PLXDC2: variants seen among roughly 807,000 people sequenced by gnomAD.
PLXDC2 encodes plexin domain containing 2.
Under a neutral mutation model 68.9 loss-of-function variants are expected in PLXDC2, and 40 were observed. The observed-to-expected ratio is 0.58, with a 90% confidence interval of 0.45 to 0.76. PLXDC2 has a LOEUF of 0.76. PLXDC2 is among the 30% of genes least tolerant of loss of function. The probability of loss-of-function intolerance (pLI) is 0.00; values close to 1 mark genes in which losing one functional copy is unlikely to be tolerated. For missense variants in PLXDC2, 644 were observed against 661.9 expected, an observed-to-expected ratio of 0.97 and a Z score of 0.30; for synonymous variants, 243 against 234.2, an observed-to-expected ratio of 1.04 and a Z score of -0.34.
rs59867874 is a variant in PLXDC2, at chr10:19,948,390, C to CTT, written c.113-53370_113-53369dup. 2.1e-3 allele frequency among the ~76,000 whole-genome samples: 298 copies of CTT among 144,954 alleles called. 1 individual carries two copies. Among genetic ancestry groups the CTT allele is most frequent in the Middle Eastern group, 7.4e-3 (2 of 270 alleles). On this transcript the variant is annotated intron_variant, in intron 1 of 13. Transcript: ENST00000377252. ...GCAGAATGATTTTCTTTCTTTCTTTCTTTTTTTTTTTTTTTTGGTATAATG... is the reference window on the plus strand; with the variant it reads ...GCAGAATGATTTTCTTTCTTTCTTTCTTTTTTTTTTTTTTTTTTGGTATAATG...
chr10:20,054,075 ACTGGGCTCAGTT>A (rs1200116035), intron 3 of PLXDC2, among the ~76,000 whole-genome samples: 2 of 152,078 alleles, frequency 1.3e-5, no homozygotes, highest in African/African-American at 4.8e-5. Context: ...TTGATGCAGA[ACTGGGCTCAGTT>A]CTGAATGTAG....
intron 1 of PLXDC2, among the ~76,000 whole-genome samples, chr10:19,866,568 C>T (rs1837420635): frequency 6.6e-6 from 1 of 152,156 alleles, no homozygotes. Flanking sequence ...GCAATTTCCA[C>T]CTAGAATTTC....
At chr10:19,844,064 CTAAA>C (rs989381036) in intron 1 of PLXDC2, among the ~76,000 whole-genome samples, 1 of 152,006 alleles carries the variant, frequency 6.6e-6, no homozygotes, top group African/African-American at 2.4e-5. Flanking sequence ...TATTATGTAT[CTAAA>C]TAAATAAAAA....
At chr10:20,217,314 C>A in intron 10 of PLXDC2, 112 bp from the exon 11 acceptor site, 3 of 909,450 alleles carry the variant, frequency 3.3e-6, no homozygotes, top group Non-Finnish European at 4.7e-6. Context: ...TAATTTATTC[C>A]TTGTCTTGAT....
intron 5 of PLXDC2, among the ~76,000 whole-genome samples, chr10:20,146,730 T>C (rs1412635744): frequency 1.3e-4 from 20 of 152,118 alleles, no homozygotes; most frequent in Admixed American, 9.8e-4. Flanking sequence ...GGACTTACAA[T>C]TGGGTGTTCA....
chr10:20,160,967 C>CAACACA (rs1445889916), intron 6 of PLXDC2, among the ~76,000 whole-genome samples: 3 of 152,074 alleles, frequency 2.0e-5, no homozygotes, highest in Non-Finnish European at 4.4e-5. Flanking sequence ...CCAGCCTGGG[C>CAACACA]AACACAGTGA....
rs533712043 is a variant in PLXDC2, at chr10:19,823,399, G to C, written c.112+6208G>C. Among the ~76,000 whole-genome samples the C allele has an allele frequency of 2.6e-5, 4 of 151,944 alleles. No individual in the cohort carries two copies. The East Asian group carries it at 7.7e-4, about 29-fold the overall frequency. On this transcript the variant is annotated intron_variant, in intron 1 of 13. Coordinates refer to ENST00000377252, the MANE Select transcript of PLXDC2 (RefSeq NM_032812.9). ...AAGGAGGCTGTAAAAATATTGTCTC[G>C]GCTGGGCGTGGTGGCTCACACCTGT...
At chr10:20,095,035 G>A (rs563031004) in intron 4 of PLXDC2, among the ~76,000 whole-genome samples, 54 of 152,278 alleles carry the variant, frequency 3.5e-4, no homozygotes, top group African/African-American at 7.9e-4. Flanking sequence ...AAATGTGACC[G>A]CACATGTAAT....
chr10:20,232,131 T>C (rs1835373363), intron 12 of PLXDC2, among the ~76,000 whole-genome samples: 1 of 152,128 alleles, frequency 6.6e-6, no homozygotes, highest in Admixed American at 6.5e-5. Flanking sequence ...CCAGAAAATA[T>C]AAATAACTCC....
chr10:20,202,864 G>A (rs114593429), intron 9 of PLXDC2, among the ~76,000 whole-genome samples: 1,546 of 152,238 alleles, frequency 0.01, 25 homozygotes, highest in African/African-American at 0.036. Flanking sequence ...TGGGCTTAGT[G>A]GATTGTCCCA....
At chr10:19,991,094 A>C (rs2131628566) in intron 1 of PLXDC2, among the ~76,000 whole-genome samples, 1 of 152,224 alleles carries the variant, frequency 6.6e-6, no homozygotes, top group African/African-American at 2.4e-5. Context: ...TAAAAATACA[A>C]AATTAGTGGG....
At chr10:19,969,922 C>G (rs1834322760) in intron 1 of PLXDC2, among the ~76,000 whole-genome samples, 1 of 152,176 alleles carries the variant, frequency 6.6e-6, no homozygotes, top group African/African-American at 2.4e-5. Context: ...GAGGTTCACT[C>G]ACCTCCACAT....
chr10:20,180,885 C>CTAATCAA, intron 9 of PLXDC2, among the ~76,000 whole-genome samples: 1 of 152,092 alleles, frequency 6.6e-6, no homozygotes, highest in Middle Eastern at 3.4e-3. Context: ...CTGAGAATAC[C>CTAATCAA]TAATCAATCA....
chr10:19,909,993 A>G (rs1301652034), intron 1 of PLXDC2, among the ~76,000 whole-genome samples: 9 of 152,172 alleles, frequency 5.9e-5, no homozygotes, highest in Admixed American at 5.9e-4. Context: ...AGTTCAGAAC[A>G]TAAAATCAAA....
At chr10:20,113,178 C>T (rs1037084405) in intron 4 of PLXDC2, among the ~76,000 whole-genome samples, 4 of 152,156 alleles carry the variant, frequency 2.6e-5, no homozygotes, top group Admixed American at 6.5e-5. Context: ...ACTGCCTCAA[C>T]AGGTAGATGT....
intron 4 of PLXDC2, among the ~76,000 whole-genome samples, chr10:20,106,925 C>T (rs1008384457): frequency 2.6e-5 from 4 of 151,158 alleles, no homozygotes; most frequent in Non-Finnish European, 5.9e-5. Flanking sequence ...GATAAAGTAA[C>T]AGTAAAAGCT....
chr10:19,953,915 G>C (rs1465711609), intron 1 of PLXDC2, among the ~76,000 whole-genome samples: 1 of 152,006 alleles, frequency 6.6e-6, no homozygotes, highest in African/African-American at 2.4e-5. Flanking sequence ...TAATTTCAAA[G>C]AGTCTGGAAA....
intron 2 of PLXDC2, among the ~76,000 whole-genome samples, chr10:20,044,292 T>C (rs966493941): frequency 3.3e-5 from 4 of 120,990 alleles, no homozygotes; most frequent in South Asian, 2.7e-4. Flanking sequence ...TTTCTTTCTT[T>C]CTTCTTTCTC....
At chr10:19,957,317 T>C (rs1384032393) in intron 1 of PLXDC2, among the ~76,000 whole-genome samples, 1 of 152,162 alleles carries the variant, frequency 6.6e-6, no homozygotes, top group Non-Finnish European at 1.5e-5. Context: ...CTGTAAATGC[T>C]CATTGTAAGA....
Sources: allele counts gnomAD v4.1 joint callset (sites outside exome capture counted in the v4.1 genomes callset), GRCh38; gene constraint gnomAD v4.1.1; transcripts MANE v1.5; gene names NCBI Gene and HGNC (gene_info 2026-07-23, HGNC 2026-07-21).